Variants in XIRP2 observed in about 807,000 individuals in gnomAD.
The protein encoded by XIRP2 is xin actin-binding repeat-containing protein 2.
In XIRP2, 236 loss-of-function variants were observed where a neutral mutation model predicts 277.0. The ratio of observed to expected loss-of-function variants is 0.85; its 90% confidence interval spans 0.77 to 0.95. The LOEUF is 0.95. XIRP2 is among the 40% of genes least tolerant of loss of function. The pLI, the probability that XIRP2 is intolerant of heterozygous loss-of-function variation, is 0.00. For missense variants in XIRP2, 4,640 were observed against 4,157.5 expected, an observed-to-expected ratio of 1.12 and a Z score of -3.19; for synonymous variants, 1,490 against 1,416.5, an observed-to-expected ratio of 1.05 and a Z score of -1.17.
At chr2:166,896,051 C>T (rs1259337937) in intron 1 of XIRP2, among the ~76,000 whole-genome samples, 1 of 152,060 alleles carries the variant, frequency 6.6e-6, no homozygotes, top group Non-Finnish European at 1.5e-5. Context: ...CTAAAAGGTT[C>T]CCTGGACAAA....
chr2:167,047,991 T>C (rs924686787), intron 2 of XIRP2, among the ~76,000 whole-genome samples: 5 of 151,966 alleles, frequency 3.3e-5, no homozygotes, highest in African/African-American at 1.2e-4. Flanking sequence ...GAGTCAAAAC[T>C]ACAATACTAC....
intron 3 of XIRP2, among the ~76,000 whole-genome samples, chr2:167,162,699 T>G (rs980596798): frequency 1.3e-5 from 2 of 152,214 alleles, no homozygotes; most frequent in Non-Finnish European, 2.9e-5. Flanking sequence ...TTTCGTATAT[T>G]TTTATTGAGG....
At chr2:167,207,355 T>C (rs1344922454) in intron 3 of XIRP2, among the ~76,000 whole-genome samples, 3 of 152,148 alleles carry the variant, frequency 2.0e-5, no homozygotes, top group Non-Finnish European at 4.4e-5. Context: ...TAGGAGAAAA[T>C]TCTAGAATGT....
chr2:167,154,384 T>C (rs1385835659), intron 3 of XIRP2, among the ~76,000 whole-genome samples: 1 of 151,720 alleles, frequency 6.6e-6, no homozygotes, highest in East Asian at 1.9e-4. Flanking sequence ...AGGTAGTTTC[T>C]TTTGCTGTGC....
intron 2 of XIRP2, among the ~76,000 whole-genome samples, chr2:166,949,982 T>C (rs1685984736): frequency 6.6e-6 from 1 of 152,078 alleles, no homozygotes; most frequent in Non-Finnish European, 1.5e-5. Flanking sequence ...AAATGCTGCC[T>C]TTTAATGAGC....
intron 2 of XIRP2, among the ~76,000 whole-genome samples, chr2:167,074,916 T>C (rs1689524111): frequency 6.6e-6 from 1 of 152,156 alleles, no homozygotes; most frequent in South Asian, 2.1e-4. Context: ...TGAGCCACCA[T>C]GCCTGGCCAG....
chr2:167,031,394 G>A (rs1341989394), intron 2 of XIRP2, among the ~76,000 whole-genome samples: 1 of 151,966 alleles, frequency 6.6e-6, no homozygotes, highest in Non-Finnish European at 1.5e-5. Context: ...GCCTAGTTGT[G>A]ACAAAATCTC....
intron 2 of XIRP2, 80 bp downstream of exon 2, chr2:166,903,970 C>CT: frequency 6.8e-7 from 1 of 1,470,916 alleles, no homozygotes; most frequent in Non-Finnish European, 9.2e-7. Flanking sequence ...AGCATGTAAT[C>CT]TTTCCCCCCG....
At chr2:166,978,093 A>G (rs566336739) in intron 2 of XIRP2, among the ~76,000 whole-genome samples, 6 of 152,274 alleles carry the variant, frequency 3.9e-5, no homozygotes, top group South Asian at 4.1e-4. Context: ...TTCTTTCTAT[A>G]CAGATTTTCT....
chr2:167,103,845 T>C (rs975717691), intron 2 of XIRP2, among the ~76,000 whole-genome samples: 1 of 151,222 alleles, frequency 6.6e-6, no homozygotes, highest in Non-Finnish European at 1.5e-5. Flanking sequence ...AAGGTGAAAC[T>C]GCAGCCAATT....
chr2:166,971,639 G>A (rs1373117592), intron 2 of XIRP2, among the ~76,000 whole-genome samples: 1 of 151,906 alleles, frequency 6.6e-6, no homozygotes, highest in Admixed American at 6.6e-5. Context: ...TTTTCAAGGT[G>A]GATATTTTAC....
chr2:167,086,294 G>T (rs566445745), intron 2 of XIRP2, among the ~76,000 whole-genome samples: 3 of 152,256 alleles, frequency 2.0e-5, no homozygotes, highest in South Asian at 4.1e-4. Context: ...GGCTTGTAGG[G>T]TTTCTGCTGA....
intron 4 of XIRP2, among the ~76,000 whole-genome samples, chr2:167,214,293 G>A (rs113276405): frequency 9.1e-4 from 76 of 83,348 alleles, no homozygotes; most frequent in East Asian, 6.0e-3. Context: ...GGGAGGGAGG[G>A]AGGGAGGAAG....
Position 167,249,076 on chromosome 2 carries a change from A to T in XIRP2, c.7684A>T (p.Lys2562Ter). ...ACAAAAAGAAGAAATTGAAAAACAG[A>T]AACAGGAGAGTTCTTACTACAACAT... ...RQQKEEIEKQ[K>*]QESSYYNIVK... The change falls in exon 9 of 11, where the codon AAA (lysine) becomes TAA (stop). Residue 2562 changes from lysine (K) to a stop codon, truncating the protein, a stop_gained. Transcript: ENST00000409195. LOFTEE classifies it high-confidence loss of function. 6.2e-7 allele frequency: 1 copy of T among 1,613,336 alleles called. No individual in the cohort carries two copies. Among genetic ancestry groups the T allele is most frequent in the South Asian group, 1.1e-5 (1 of 90,890 alleles).
chr2:167,007,703 T>TCACACACA (rs57336666), intron 2 of XIRP2, among the ~76,000 whole-genome samples: 4 of 130,154 alleles, frequency 3.1e-5, no homozygotes, highest in African/African-American at 8.4e-5. Flanking sequence ...TCTCTCTCTC[T>TCACACACA]CACACACACA....
At chr2:167,193,680 C>G (rs1253415933) in intron 3 of XIRP2, among the ~76,000 whole-genome samples, 2 of 152,006 alleles carry the variant, frequency 1.3e-5, no homozygotes, top group East Asian at 3.9e-4. Flanking sequence ...GAGTTCAACA[C>G]CAGCCTAGCT....
At chr2:166,899,902 G>A (rs2105333161) in intron 1 of XIRP2, among the ~76,000 whole-genome samples, 1 of 152,082 alleles carries the variant, frequency 6.6e-6, no homozygotes, top group Non-Finnish European at 1.5e-5. Context: ...CGTGAATGCT[G>A]GTACTATTGT....
intron 2 of XIRP2, among the ~76,000 whole-genome samples, chr2:167,032,108 A>G (rs185399476): frequency 6.6e-6 from 1 of 152,300 alleles, no homozygotes; most frequent in Admixed American, 6.5e-5. Flanking sequence ...AAACAGATAT[A>G]TAGACAAATG....
At position 167,244,106 on chromosome 2, in the gene XIRP2, A is replaced by G. The variant is rs1687969804; in HGVS notation, c.2714A>G (p.Glu905Gly). The G allele has an allele frequency of 1.9e-6, 3 of 1,613,870 alleles. No individual in the cohort carries two copies. In the South Asian group the frequency reaches 3.3e-5, roughly 18 times the overall value. Residue 905 changes from glutamate (E) to glycine (G), a missense_variant, in exon 9 of 11, where the codon GAA becomes GGA. Transcript: ENST00000409195. ...CAAAAAATCACTGCCTCTGAAGAAG[A>G]AAAAGGGGATGTTAGGCATCAAAAA... ...KLQKITASEE[E>G]KGDVRHQKWI...
Sources: gnomAD v4.1 joint callset for allele counts (sites outside exome capture counted in the v4.1 genomes callset) on GRCh38, gnomAD v4.1.1 for gene constraint, MANE v1.5 for transcripts, NCBI Gene and HGNC (gene_info 2026-07-23, HGNC 2026-07-21) for gene names.